Variants in SPPL3 observed in about 807,000 individuals in gnomAD.
SPPL3 encodes signal peptide peptidase-like 3.
A neutral mutation model predicts 42.4 loss-of-function variants in SPPL3; 5 were observed. That is an observed-to-expected ratio of 0.12 (90% CI 0.06 to 0.25). The LOEUF is 0.25. Among genes scored for constraint, SPPL3 ranks in the 10% least tolerant of loss-of-function variants. The probability of loss-of-function intolerance (pLI) is 1.00; values close to 1 mark genes in which losing one functional copy is unlikely to be tolerated. For synonymous variants in SPPL3, 195 were observed against 181.8 expected, an observed-to-expected ratio of 1.07 and a Z score of -0.58; for missense variants, 235 against 489.0, an observed-to-expected ratio of 0.48 and a Z score of 4.90.
At chr12:120,855,702 A>AAAG (rs1872430843) in intron 1 of SPPL3, among the ~76,000 whole-genome samples, 1 of 152,030 alleles carries the variant, frequency 6.6e-6, no homozygotes, top group African/African-American at 2.4e-5. Flanking sequence ...CTCAAAAAAA[A>AAAG]AAAAGAAAAG....
rs1225011545 is a variant in SPPL3, at chr12:120,880,596, G to A, written c.23+23249C>T. Among the ~76,000 whole-genome samples the A allele has an allele frequency of 2.6e-5, 4 of 151,990 alleles. No homozygotes were observed. The East Asian group carries it at 5.8e-4, about 22-fold the overall frequency. ...GAGGTCAGGAGATGGAGACCATCCT[G>A]GCTAACACGGTGAAACCCATCTCTA... On this transcript the variant is annotated intron_variant, in intron 1 of 10. Transcript: ENST00000353487.
intron 3 of SPPL3, among the ~76,000 whole-genome samples, chr12:120,788,595 G>C (rs753552264): frequency 1.3e-5 from 2 of 152,182 alleles, no homozygotes; most frequent in East Asian, 3.9e-4. Flanking sequence ...GCATGTAATC[G>C]TAAGAGTAAC....
chr12:120,886,155 A>AT (rs1873454700), intron 1 of SPPL3, among the ~76,000 whole-genome samples: 29 of 150,428 alleles, frequency 1.9e-4, no homozygotes, highest in African/African-American at 4.7e-4. Flanking sequence ...AAAAAAAAAA[A>AT]ATTTTTTTTT....
At chr12:120,851,778 A>C (rs912400768) in intron 1 of SPPL3, among the ~76,000 whole-genome samples, 1 of 151,940 alleles carries the variant, frequency 6.6e-6, no homozygotes, top group African/African-American at 2.4e-5. Context: ...TAATTTTTGC[A>C]TTTTTTGTAG....
intron 1 of SPPL3, among the ~76,000 whole-genome samples, chr12:120,878,726 A>T (rs1340044676): frequency 6.6e-6 from 1 of 152,150 alleles, no homozygotes; most frequent in African/African-American, 2.4e-5. Context: ...TTTTTCTTAA[A>T]TTATCTATGC....
chr12:120,824,788 T>C (rs190125983), intron 1 of SPPL3, among the ~76,000 whole-genome samples: 257 of 152,346 alleles, frequency 1.7e-3, no homozygotes, highest in African/African-American at 5.7e-3. Flanking sequence ...TCCTTCAGCA[T>C]TGGCCTCCCA....
intron 1 of SPPL3, among the ~76,000 whole-genome samples, chr12:120,842,891 G>GA (rs972778745): frequency 6.6e-5 from 10 of 152,092 alleles, no homozygotes; most frequent in Middle Eastern, 3.4e-3. Context: ...ATAGTTAATA[G>GA]AAAAAAATGC....
intron 2 of SPPL3, among the ~76,000 whole-genome samples, chr12:120,805,236 T>A (rs1339428686): frequency 1.3e-5 from 2 of 152,160 alleles, no homozygotes; most frequent in Non-Finnish European, 2.9e-5. Context: ...TATTTATCTC[T>A]CAATAAAGCT....
At chr12:120,769,588 TC>T (rs1869039650) in intron 6 of SPPL3, 1 of 153,824 alleles carries the variant, frequency 6.5e-6, no homozygotes, top group South Asian at 2.0e-4. Flanking sequence ...TCTCGCTGTA[TC>T]ACCCAGGCTG....
intron 1 of SPPL3, among the ~76,000 whole-genome samples, chr12:120,873,087 TATGA>T (rs1412664664): frequency 6.6e-6 from 1 of 152,194 alleles, no homozygotes; most frequent in Non-Finnish European, 1.5e-5. Flanking sequence ...ATACAGTTCA[TATGA>T]ATGTGATGTG....
At chr12:120,765,810 G>A (rs662690) in intron 10 of SPPL3, among the ~76,000 whole-genome samples, 5,717 of 152,224 alleles carry the variant, frequency 0.038, 365 homozygotes, top group African/African-American at 0.13. Flanking sequence ...GTAAAACGGG[G>A]CTGAGAATAG....
At position 120,814,041 on chromosome 12, in the gene SPPL3, A is replaced by G. The variant is rs560613259; in HGVS notation, c.24-3155T>C. 5.9e-5 allele frequency among the ~76,000 whole-genome samples: 9 copies of G among 152,360 alleles called. No individual in the cohort carries two copies. In the East Asian group the frequency reaches 1.7e-3, roughly 29 times the overall value. On this transcript the variant is annotated intron_variant, in intron 1 of 10. Coordinates refer to ENST00000353487, the MANE Select transcript of SPPL3 (RefSeq NM_139015.5). ...TTTAACAGGTGAAATAATATGATTT[A>G]AGATTTACTTTAAAATACTCTAAGA... is the stretch of plus-strand genomic sequence containing the variant.
intron 2 of SPPL3, among the ~76,000 whole-genome samples, chr12:120,797,652 A>C (rs780999232): frequency 4.6e-5 from 7 of 152,152 alleles, no homozygotes; most frequent in Non-Finnish European, 8.8e-5. Flanking sequence ...GGCCTTTTAA[A>C]ATTTCTTGTT....
chr12:120,901,860 C>T (rs1165923098), intron 1 of SPPL3: 1 of 981,726 alleles, frequency 1.0e-6, no homozygotes, highest in East Asian at 1.1e-4. Flanking sequence ...AGAGAGAGGT[C>T]GTGTGTGTCC....
In SPPL3 at chr12:120,870,648, T is replaced by TA. The variant is rs200038225; in HGVS notation, c.23+33196dup. On this transcript the variant is annotated intron_variant, in intron 1 of 10. Coordinates refer to ENST00000353487, the MANE Select transcript of SPPL3 (RefSeq NM_139015.5). ...TATACATTCAAATATTACTCAGCTT[T>TA]AAAAAAAAAAGTTAATTCTTAAATT... is the stretch of plus-strand genomic sequence containing the variant. Among the ~76,000 whole-genome samples, 930 of 148,854 alleles carry TA rather than the reference T, an allele frequency of 6.2e-3. 7 individuals carry two copies. The highest frequency in any genetic ancestry group is 0.021 in the African/African-American group (864 of 40,730).
intron 1 of SPPL3, among the ~76,000 whole-genome samples, chr12:120,878,589 A>G (rs2137055495): frequency 6.6e-6 from 1 of 152,322 alleles, no homozygotes; most frequent in East Asian, 1.9e-4. Context: ...TAATAGAGAC[A>G]ATCTTTCATT....
chr12:120,884,492 G>A (rs1192526898), intron 1 of SPPL3, among the ~76,000 whole-genome samples: 1 of 150,622 alleles, frequency 6.6e-6, no homozygotes, highest in Non-Finnish European at 1.5e-5. Context: ...TAGGTAATTA[G>A]GATTTTTCTT....
intron 1 of SPPL3, among the ~76,000 whole-genome samples, chr12:120,882,564 A>C (rs958934675): frequency 2.0e-5 from 3 of 152,166 alleles, no homozygotes; most frequent in South Asian, 4.1e-4. Flanking sequence ...CAGGAATAAA[A>C]GTGATATAAT....
intron 2 of SPPL3, among the ~76,000 whole-genome samples, chr12:120,801,653 A>G (rs1870301545): frequency 6.6e-6 from 1 of 152,188 alleles, no homozygotes; most frequent in South Asian, 2.1e-4. Flanking sequence ...AAACAAACAA[A>G]CAAAAAAACC....
Sources: gnomAD v4.1 joint callset for allele counts (sites outside exome capture counted in the v4.1 genomes callset) on GRCh38, gnomAD v4.1.1 for gene constraint, MANE v1.5 for transcripts, NCBI Gene and HGNC (gene_info 2026-07-23, HGNC 2026-07-21) for gene names.